Variants in LRRC8D observed in about 807,000 individuals in gnomAD.
LRRC8D encodes the protein leucine rich repeat containing 8 VRAC subunit D, also known as volume-regulated anion channel subunit LRRC8D.
In LRRC8D, 20 loss-of-function variants were observed where a neutral mutation model predicts 55.8. The ratio of observed to expected loss-of-function variants is 0.36; its 90% CI spans 0.25 to 0.52. The LOEUF (loss-of-function observed/expected upper bound fraction) is 0.52, where lower values mean the gene tolerates loss of function less well. Among genes scored for constraint, LRRC8D ranks in the 20% least tolerant of loss-of-function variants. The probability of loss-of-function intolerance (pLI) is 0.93; values close to 1 mark genes in which losing one functional copy is unlikely to be tolerated. For missense variants in LRRC8D, 651 were observed against 1,030.8 expected, an observed-to-expected ratio of 0.63 and a Z score of 5.05; for synonymous variants, 352 against 377.0, an observed-to-expected ratio of 0.93 and a Z score of 0.77.
intron 1 of LRRC8D, among the ~76,000 whole-genome samples, chr1:89,830,958 T>A (rs1378008950): frequency 6.9e-6 from 1 of 145,322 alleles, no homozygotes; most frequent in Non-Finnish European, 1.5e-5. Context: ...CAGGCTGGAG[T>A]GCAGTGCTGT....
intron 1 of LRRC8D, among the ~76,000 whole-genome samples, chr1:89,834,211 CATTT>C (rs112622113): frequency 2.2e-4 from 34 of 152,296 alleles, no homozygotes; most frequent in African/African-American, 6.0e-4. Context: ...AATCACTTAA[CATTT>C]ATCATTACTT....
intron 2 of LRRC8D, among the ~76,000 whole-genome samples, chr1:89,897,424 T>A (rs1261264362): frequency 6.6e-6 from 1 of 152,230 alleles, no homozygotes; most frequent in East Asian, 1.9e-4. Context: ...GGCGAGATTA[T>A]GTTTTTTCCT....
intron 1 of LRRC8D, among the ~76,000 whole-genome samples, chr1:89,838,930 C>T (rs1570807609): frequency 6.6e-6 from 1 of 152,174 alleles, no homozygotes; most frequent in South Asian, 2.1e-4. Context: ...TTATCCTTTA[C>T]ACTTTACCAA....
At chr1:89,883,475 A>T (rs1662335031) in intron 2 of LRRC8D, among the ~76,000 whole-genome samples, 1 of 152,142 alleles carries the variant, frequency 6.6e-6, no homozygotes, top group African/African-American at 2.4e-5. Context: ...TCACGACCAG[A>T]TGGTAAGGGA....
At chr1:89,877,445 TGTGA>T (rs757285749) in intron 2 of LRRC8D, among the ~76,000 whole-genome samples, 9 of 152,360 alleles carry the variant, frequency 5.9e-5, no homozygotes, top group Non-Finnish European at 1.0e-4. Context: ...GTAAAAGCTT[TGTGA>T]GTGTTTGCTG....
chr1:89,895,250 A>T (rs1332539086), intron 2 of LRRC8D, among the ~76,000 whole-genome samples: 2 of 152,252 alleles, frequency 1.3e-5, no homozygotes, highest in Non-Finnish European at 2.9e-5. Flanking sequence ...TATATTATGA[A>T]GTCTGTTAGA....
chr1:89,857,692 A>G (rs1320437979), intron 2 of LRRC8D, among the ~76,000 whole-genome samples: 1 of 152,190 alleles, frequency 6.6e-6, no homozygotes, highest in Non-Finnish European at 1.5e-5. Context: ...TTAAGCTTGC[A>G]TTGGAAAGGT....
chr1:89,842,214 GAAAAAA>G (rs55785953), intron 1 of LRRC8D, among the ~76,000 whole-genome samples: 1 of 130,554 alleles, frequency 7.7e-6, no homozygotes, highest in Non-Finnish European at 1.6e-5. Flanking sequence ...CTCTGTCTCA[GAAAAAA>G]AAAAAAAAAA....
intron 2 of LRRC8D, among the ~76,000 whole-genome samples, chr1:89,896,757 T>TTCTCCCTTTCTCTCTC (rs1301461818): frequency 7.9e-4 from 121 of 152,266 alleles, no homozygotes; most frequent in African/African-American, 2.8e-3. Context: ...CTTTCTGTCT[T>TTCTCCCTTTCTCTCTC]TCTCCCTTTC....
At chr1:89,896,794 G>T (rs1305544809) in intron 2 of LRRC8D, among the ~76,000 whole-genome samples, 1 of 151,884 alleles carries the variant, frequency 6.6e-6, no homozygotes, top group South Asian at 2.1e-4. Context: ...CTCTTTTCTT[G>T]TGAATCATAG....
intron 1 of LRRC8D, among the ~76,000 whole-genome samples, chr1:89,839,577 T>A (rs1318130521): frequency 6.6e-6 from 1 of 152,176 alleles, no homozygotes; most frequent in Non-Finnish European, 1.5e-5. Context: ...CTAATAATCC[T>A]CTATGGGTAA....
intron 1 of LRRC8D, among the ~76,000 whole-genome samples, chr1:89,834,177 G>A (rs777212272): frequency 2.0e-5 from 3 of 152,200 alleles, no homozygotes; most frequent in Non-Finnish European, 4.4e-5. Context: ...GAACAAAATT[G>A]GGTCAGGAGA....
chr1:89,845,698 A>G (rs937483748), intron 2 of LRRC8D, among the ~76,000 whole-genome samples: 1 of 152,124 alleles, frequency 6.6e-6, no homozygotes, highest in Non-Finnish European at 1.5e-5. Flanking sequence ...CAGCCTTCCA[A>G]AATACTGGGA....
At position 89,880,730 on chromosome 1, in the gene LRRC8D, C is replaced by T. The variant is rs151246648; in HGVS notation, c.-3+36948C>T. Among the ~76,000 whole-genome samples the T allele has an allele frequency of 1.0e-3, 156 of 152,162 alleles. 1 individual carries two copies. The highest frequency in any genetic ancestry group is 3.6e-3 in the African/African-American group (150 of 41,504). ...CTCTTCAACCTTTTGAATTCAACAC[C>T]TTATTTCTTCTTGCATGGACTGTTG... On this transcript the variant is annotated intron_variant, in intron 2 of 2. Coordinates refer to ENST00000337338, the MANE Select transcript of LRRC8D (RefSeq NM_001134479.2).
chr1:89,856,285 A>G (rs1661550091), intron 2 of LRRC8D, among the ~76,000 whole-genome samples: 2 of 152,180 alleles, frequency 1.3e-5, no homozygotes, highest in Non-Finnish European at 2.9e-5. Context: ...GCTCATGTTG[A>G]ACACTGAACC....
At chr1:89,916,864 G>A (rs182385649) in intron 2 of LRRC8D, among the ~76,000 whole-genome samples, 1 of 152,274 alleles carries the variant, frequency 6.6e-6, no homozygotes, top group Admixed American at 6.5e-5. Flanking sequence ...CATTCAATGA[G>A]CGGGCCTACC....
intron 2 of LRRC8D, among the ~76,000 whole-genome samples, chr1:89,847,725 A>G (rs1039655465): frequency 1.3e-5 from 2 of 152,228 alleles, no homozygotes; most frequent in African/African-American, 4.8e-5. Flanking sequence ...CACCAAAATC[A>G]GGAAGCTTTT....
At position 89,892,224 on chromosome 1, in the gene LRRC8D, CATGTTTGAGTTTTTAA is replaced by C. The variant is rs144700199; in HGVS notation, c.-2-40840_-2-40825del. Among the ~76,000 whole-genome samples, 965 of 152,276 alleles carry C rather than the reference CATGTTTGAGTTTTTAA, an allele frequency of 6.3e-3. 9 individuals are homozygous for C. Among genetic ancestry groups the C allele is most frequent in the African/African-American group, 0.022 (910 of 41,554 alleles). On this transcript the variant is annotated intron_variant, in intron 2 of 2. Coordinates refer to ENST00000337338, the MANE Select transcript of LRRC8D (RefSeq NM_001134479.2). Reference sequence around the variant, plus strand: ...CCAGGTGTCCTGAACGCCCTCGCTCCATGTTTGAGTTTTTAAATTATGTACAAGGCTTTAGGCTGAT... The same window carrying C: ...CCAGGTGTCCTGAACGCCCTCGCTCCATTATGTACAAGGCTTTAGGCTGAT...
chr1:89,921,474 T>C (rs1281421158), intron 2 of LRRC8D, among the ~76,000 whole-genome samples: 1 of 152,258 alleles, frequency 6.6e-6, no homozygotes, highest in African/African-American at 2.4e-5. Context: ...CTTCTTTTAA[T>C]AGGGGTACTA....
Sources: allele counts gnomAD v4.1 joint callset (sites outside exome capture counted in the v4.1 genomes callset), GRCh38; gene constraint gnomAD v4.1.1; transcripts MANE v1.5; gene names NCBI Gene and HGNC (gene_info 2026-07-23, HGNC 2026-07-21).